The following CSMD3 variants were observed in gnomAD, a reference collection of about 807,000 sequenced individuals.
The protein encoded by CSMD3 is CUB and sushi domain-containing protein 3.
In CSMD3, 177 loss-of-function variants were observed where a neutral mutation model predicts 435.2. The observed-to-expected ratio is 0.41, with a 90% CI of 0.36 to 0.46. The LOEUF is 0.46. Among genes scored for constraint, CSMD3 ranks in the 20% least tolerant of loss-of-function variants. CSMD3 has a pLI of 0.34. For synonymous variants in CSMD3, 1,656 were observed against 1,520.5 expected, an observed-to-expected ratio of 1.09 and a Z score of -2.07; for missense variants, 4,265 against 4,504.6, an observed-to-expected ratio of 0.95 and a Z score of 1.52.
chr8:112,648,685 A>G (rs1235883016), intron 19 of CSMD3, among the ~76,000 whole-genome samples: 1 of 152,176 alleles, frequency 6.6e-6, no homozygotes, highest in Admixed American at 6.5e-5. Flanking sequence ...TTTTATTATT[A>G]ATAAAAGTTA....
At chr8:113,301,474 T>C (rs756322788) in intron 2 of CSMD3, among the ~76,000 whole-genome samples, 2 of 152,008 alleles carry the variant, frequency 1.3e-5, no homozygotes, top group Non-Finnish European at 2.9e-5. Context: ...TTGACTGTTA[T>C]AGTTAGAAAA....
intron 5 of CSMD3, among the ~76,000 whole-genome samples, chr8:113,050,983 G>A (rs955361348): frequency 2.0e-5 from 3 of 152,058 alleles, no homozygotes; most frequent in South Asian, 2.1e-4. Context: ...CATTTGGTGG[G>A]AGAAGGGAAG....
At chr8:113,091,647 G>T (rs1239243767) in intron 5 of CSMD3, among the ~76,000 whole-genome samples, 1 of 151,640 alleles carries the variant, frequency 6.6e-6, no homozygotes, top group Non-Finnish European at 1.5e-5. Context: ...TTACTTATGT[G>T]TATCTGCTCT....
intron 29 of CSMD3, among the ~76,000 whole-genome samples, chr8:112,505,487 A>C (rs1432233483): frequency 6.6e-6 from 1 of 152,114 alleles, no homozygotes; most frequent in Non-Finnish European, 1.5e-5. Flanking sequence ...TAGAAACAAG[A>C]GCTTTGTAAA....
intron 13 of CSMD3, among the ~76,000 whole-genome samples, chr8:112,736,977 T>A (rs2077199329): frequency 6.6e-6 from 1 of 151,988 alleles, no homozygotes; most frequent in Non-Finnish European, 1.5e-5. Flanking sequence ...TTGTTGGTTT[T>A]ATCTTTAAAA....
chr8:112,654,081 C>G (rs914922428), intron 18 of CSMD3, among the ~76,000 whole-genome samples: 3 of 152,092 alleles, frequency 2.0e-5, no homozygotes, highest in African/African-American at 4.8e-5. Flanking sequence ...GGTGGCATTG[C>G]AAGCATTCCT....
At chr8:113,277,580 A>G (rs781189355) in intron 3 of CSMD3, among the ~76,000 whole-genome samples, 2 of 151,938 alleles carry the variant, frequency 1.3e-5, no homozygotes, top group Non-Finnish European at 2.9e-5. Context: ...TGTTTTCTTT[A>G]AACACATTAT....
At chr8:112,768,723 AC>A (rs2078040104) in intron 13 of CSMD3, among the ~76,000 whole-genome samples, 1 of 151,870 alleles carries the variant, frequency 6.6e-6, no homozygotes, top group Admixed American at 6.6e-5. Context: ...ACAAAACAAA[AC>A]AAAACAAAAC....
intron 13 of CSMD3, among the ~76,000 whole-genome samples, chr8:112,691,941 T>C (rs1166472744): frequency 2.0e-5 from 3 of 151,960 alleles, no homozygotes; most frequent in African/African-American, 4.8e-5. Context: ...GCTCGGACTA[T>C]AGGTGCTCGT....
chr8:113,308,504 G>A (rs1588487204), intron 2 of CSMD3, among the ~76,000 whole-genome samples: 1 of 151,844 alleles, frequency 6.6e-6, no homozygotes, highest in Non-Finnish European at 1.5e-5. Context: ...TCCTAACCTC[G>A]TGATCCGCCT....
At chr8:113,362,274 A>G (rs2094282423) in intron 1 of CSMD3, among the ~76,000 whole-genome samples, 1 of 152,176 alleles carries the variant, frequency 6.6e-6, no homozygotes, top group African/African-American at 2.4e-5. Flanking sequence ...CAAGGGAAAA[A>G]GAAGAAAAAT....
At chr8:113,149,737 T>A (rs1522064) in intron 4 of CSMD3, among the ~76,000 whole-genome samples, 103,346 of 151,712 alleles carry the variant, frequency 0.68, 37,013 homozygotes, top group East Asian at 0.95. Flanking sequence ...ACTCCTTTGG[T>A]AATAACTTGA....
At chr8:113,098,428 T>G (rs17605056) in intron 5 of CSMD3, 35,005 of 311,702 alleles carry the variant, frequency 0.11, 2,188 homozygotes, top group Middle Eastern at 0.17. Flanking sequence ...ATATAACAAG[T>G]CTGCTTAAAC....
chr8:112,456,336 A>G (rs1816839707), intron 32 of CSMD3, among the ~76,000 whole-genome samples: 1 of 152,088 alleles, frequency 6.6e-6, no homozygotes, highest in African/African-American at 2.4e-5. Context: ...AATAGGTGTG[A>G]AGGGCAATCA....
intron 13 of CSMD3, among the ~76,000 whole-genome samples, chr8:112,773,050 A>C (rs1184365578): frequency 6.6e-6 from 1 of 151,766 alleles, no homozygotes; most frequent in Non-Finnish European, 1.5e-5. Context: ...CCATTTTTCT[A>C]TCTCTATACT....
At chr8:112,892,536 T>TTAA (rs2081827582) in intron 10 of CSMD3, among the ~76,000 whole-genome samples, 1 of 151,722 alleles carries the variant, frequency 6.6e-6, no homozygotes, top group Admixed American at 6.6e-5. Flanking sequence ...ACAGGTAGTT[T>TTAA]TTTAAAAGAA....
At chr8:112,462,588 A>G (rs1347521572) in intron 32 of CSMD3, among the ~76,000 whole-genome samples, 1 of 152,220 alleles carries the variant, frequency 6.6e-6, no homozygotes, top group East Asian at 1.9e-4. Flanking sequence ...ATTCTAGAGC[A>G]TATTATAGTG....
chr8:112,419,668 T>G (rs1812277605), intron 32 of CSMD3, among the ~76,000 whole-genome samples: 1 of 152,224 alleles, frequency 6.6e-6, no homozygotes, highest in African/African-American at 2.4e-5. Context: ...TGTGACCATT[T>G]GCCTACTGTC....
intron 12 of CSMD3, among the ~76,000 whole-genome samples, chr8:112,820,715 C>T (rs574977968): frequency 6.6e-6 from 1 of 151,010 alleles, no homozygotes; most frequent in East Asian, 2.0e-4. Flanking sequence ...TAGGTATACA[C>T]GTGCCATGGT....
Sources: allele counts gnomAD v4.1 joint callset (sites outside exome capture counted in the v4.1 genomes callset), GRCh38; gene constraint gnomAD v4.1.1; transcripts MANE v1.5; gene names NCBI Gene and HGNC (gene_info 2026-07-23, HGNC 2026-07-21).